The following HLF variants were observed in gnomAD, a reference collection of about 807,000 sequenced individuals.
HLF encodes the protein HLF transcription factor, PAR bZIP family member.
A neutral mutation model predicts 22.6 loss-of-function variants in HLF; 3 were observed. That is an observed-to-expected ratio of 0.13 (90% CI 0.06 to 0.34). HLF has a LOEUF of 0.34. Ranked by LOEUF, HLF falls within the 10% of genes least tolerant of loss-of-function variation. The pLI, the probability that HLF is intolerant of heterozygous loss-of-function variation, is 1.00. For synonymous variants in HLF, 151 were observed against 151.8 expected (o/e 0.99, Z 0.04); for missense variants, 299 against 389.2 (o/e 0.77, Z 1.95).
intron 2 of HLF, among the ~76,000 whole-genome samples, chr17:55,302,592 C>T (rs1318327623): frequency 2.0e-5 from 3 of 152,224 alleles, no homozygotes; most frequent in Admixed American, 6.5e-5. Context: ...TGAACATCAG[C>T]GAATATTGTC....
chr17:55,318,611 T>C (rs1168352106), intron 3 of HLF, among the ~76,000 whole-genome samples: 3 of 152,096 alleles, frequency 2.0e-5, no homozygotes, highest in Admixed American at 6.5e-5. Context: ...GTTTCTACAG[T>C]GTTCCAGGGG....
chr17:55,284,432 C>T (rs1450775966), intron 2 of HLF, among the ~76,000 whole-genome samples: 1 of 152,204 alleles, frequency 6.6e-6, no homozygotes, highest in Non-Finnish European at 1.5e-5. Flanking sequence ...AGTAACTGCA[C>T]TTGAGCTCTG....
chr17:55,296,281 A>AT (rs1002809225), intron 2 of HLF, among the ~76,000 whole-genome samples: 2 of 152,160 alleles, frequency 1.3e-5, no homozygotes, highest in African/African-American at 4.8e-5. Context: ...ATTACCAGTG[A>AT]TTTTTTTAAA....
At chr17:55,265,991 C>G (rs1184763253) in intron 1 of HLF, 4 of 289,324 alleles carry the variant, frequency 1.4e-5, no homozygotes, top group Admixed American at 6.3e-5. Context: ...GGGCCTGGTT[C>G]TGTGCGGGGC....
At chr17:55,269,232 T>A (rs760942974) in intron 2 of HLF, among the ~76,000 whole-genome samples, 7 of 152,194 alleles carry the variant, frequency 4.6e-5, no homozygotes, top group Non-Finnish European at 1.0e-4. Context: ...GTTCCTCCTT[T>A]CAGACCTCTG....
At chr17:55,304,548 C>A (rs773199883) in intron 2 of HLF, among the ~76,000 whole-genome samples, 29 of 152,200 alleles carry the variant, frequency 1.9e-4, no homozygotes, top group Non-Finnish European at 3.4e-4. Context: ...AATGAGAGGC[C>A]TTGTTAATCC....
intron 2 of HLF, among the ~76,000 whole-genome samples, chr17:55,270,654 A>C (rs1025938582): frequency 1.4e-5 from 2 of 139,708 alleles, no homozygotes; most frequent in African/African-American, 5.3e-5. Context: ...TTTTGGGTAA[A>C]TCTTTTTTTT....
intron 2 of HLF, among the ~76,000 whole-genome samples, chr17:55,307,064 T>G (rs964616130): frequency 6.7e-6 from 1 of 149,212 alleles, no homozygotes; most frequent in Non-Finnish European, 1.5e-5. Flanking sequence ...TACCTCCTCT[T>G]TTTTTTTTTC....
chr17:55,314,950 A>G lies in HLF; in HGVS notation c.452-277A>G, dbSNP rs752170120. On this transcript the variant is annotated intron_variant, in intron 2 of 3. Coordinates refer to ENST00000226067, the MANE Select transcript of HLF (RefSeq NM_002126.5). ...AGTGCCTGGCACATCGCTGTGTGAT[A>G]GGAAAGAATGAATGTGTATTTTTAA... Among the ~76,000 whole-genome samples the G allele has an allele frequency of 3.3e-5, 5 of 152,374 alleles. No individual in the cohort carries two copies. In the South Asian group the frequency reaches 1.0e-3, roughly 32 times the overall value.
intron 2 of HLF, among the ~76,000 whole-genome samples, chr17:55,289,650 A>G (rs1228095326): frequency 6.6e-6 from 1 of 152,238 alleles, no homozygotes; most frequent in Non-Finnish European, 1.5e-5. Context: ...TAAATGTGGC[A>G]AACATCCTTA....
intron 2 of HLF, chr17:55,283,509 C>G (rs763466721): frequency 1.1e-4 from 17 of 152,350 alleles, no homozygotes; most frequent in South Asian, 4.1e-4. Flanking sequence ...ATCAAGGACT[C>G]AGGCCGGTGT....
chr17:55,313,357 TGC>T (rs1491065810), intron 2 of HLF, among the ~76,000 whole-genome samples: 67 of 129,388 alleles, frequency 5.2e-4, no homozygotes, highest in African/African-American at 1.8e-3. Flanking sequence ...AGGAGGTGTG[TGC>T]GTGTGTGTGT....
chr17:55,324,676 TCTC>T lies in HLF; in HGVS notation c.*3802_*3804del. On this transcript the variant is annotated 3_prime_UTR_variant, in exon 4 of 4. Transcript: ENST00000226067. ...GGTACCCCCACTGGCAAGGCCAAGG[TCTC>T]CTCCACGTTTTTTCTGCAATTAATA... 4.3e-6 allele frequency: 1 copy of T among 232,824 alleles called. No individual in the cohort carries two copies. The highest frequency in any genetic ancestry group is 8.5e-6 in the Non-Finnish European group (1 of 117,770). The allele number at this position is 232,824 out of a possible 1,614,324, so 14.4% of individuals were successfully genotyped here.
chr17:55,279,266 G>A (rs1364060499), intron 2 of HLF, among the ~76,000 whole-genome samples: 5 of 152,170 alleles, frequency 3.3e-5, no homozygotes, highest in Non-Finnish European at 7.3e-5. Flanking sequence ...CTGATGACAG[G>A]AAGATTCAGT....
At chr17:55,308,589 A>C (rs550664638) in intron 2 of HLF, among the ~76,000 whole-genome samples, 2 of 152,288 alleles carry the variant, frequency 1.3e-5, no homozygotes, top group East Asian at 1.9e-4. Flanking sequence ...CAAAGGCCCA[A>C]GTTTATAACA....
chr17:55,265,836 GC>G, intron 1 of HLF: 1 of 1,272,470 alleles, frequency 7.9e-7, no homozygotes, highest in Non-Finnish European at 9.9e-7. Flanking sequence ...CGGGCACCCG[GC>G]CTCCCTGGGT....
intron 2 of HLF, among the ~76,000 whole-genome samples, chr17:55,309,929 A>G (rs1471048936): frequency 6.6e-6 from 1 of 152,260 alleles, no homozygotes; most frequent in Non-Finnish European, 1.5e-5. Flanking sequence ...GAGAAGAGAT[A>G]AAGACAGAGT....
At chr17:55,277,291 G>A (rs1341695451) in intron 2 of HLF, among the ~76,000 whole-genome samples, 4 of 145,842 alleles carry the variant, frequency 2.7e-5, no homozygotes, top group Middle Eastern at 3.6e-3. Flanking sequence ...GCATGTGTAC[G>A]TGGGCATGCG....
chr17:55,321,877 C>G lies in HLF; in HGVS notation c.*998C>G. 1 of 231,858 alleles carries G rather than the reference C, an allele frequency of 4.3e-6. No homozygotes were observed. Among genetic ancestry groups the G allele is most frequent in the Non-Finnish European group, 8.6e-6 (1 of 116,562 alleles). The allele number at this position is 231,858 out of a possible 1,614,324, so 14.4% of individuals were successfully genotyped here. ...GTTTTGTTGTTCCCCTTCCCTCACACCCTGCCTCGCCCCCACTTTTCTAGT... is the reference window on the plus strand; with the variant it reads ...GTTTTGTTGTTCCCCTTCCCTCACAGCCTGCCTCGCCCCCACTTTTCTAGT... On this transcript the variant is annotated 3_prime_UTR_variant, in exon 4 of 4. Transcript: ENST00000226067.
Sources: allele counts gnomAD v4.1 joint callset (sites outside exome capture counted in the v4.1 genomes callset), GRCh38; gene constraint gnomAD v4.1.1; transcripts MANE v1.5; gene names NCBI Gene and HGNC (gene_info 2026-07-23, HGNC 2026-07-21).